The following ZDHHC11B variants were observed in gnomAD, a reference collection of about 807,000 sequenced individuals.
The protein encoded by ZDHHC11B is zDHHC palmitoyltransferase 11B (putative), also known as probable palmitoyltransferase ZDHHC11B.
ZDHHC11B carries 17 observed loss-of-function variants against 42.3 expected under a neutral mutation model. That is an observed-to-expected ratio of 0.40 (90% CI 0.27 to 0.60). ZDHHC11B has a LOEUF of 0.60. Among genes scored for constraint, ZDHHC11B ranks in the 20% least tolerant of loss-of-function variants. The probability of loss-of-function intolerance (pLI) is 0.41; values close to 1 mark genes in which losing one functional copy is unlikely to be tolerated. For synonymous variants in ZDHHC11B, 123 were observed against 193.5 expected (o/e 0.64, Z 3.02); for missense variants, 262 against 463.2 (o/e 0.57, Z 3.99).
intron 1 of ZDHHC11B, among the ~76,000 whole-genome samples, chr5:777,690 G>C (rs568016459): frequency 2.6e-5 from 4 of 152,060 alleles, no homozygotes; most frequent in South Asian, 2.1e-4. Flanking sequence ...GTGCTGATTG[G>C]TGCATTGACA....
chr5:722,431 T>A (rs1689575072), intron 12 of ZDHHC11B, among the ~76,000 whole-genome samples: 1 of 151,510 alleles, frequency 6.6e-6, no homozygotes, highest in South Asian at 2.1e-4. Flanking sequence ...AAAACTCGTA[T>A]GACTCACATG....
chr5:737,112 T>C (rs1204432186), intron 10 of ZDHHC11B, among the ~76,000 whole-genome samples: 1 of 149,442 alleles, frequency 6.7e-6, no homozygotes, highest in Non-Finnish European at 1.5e-5. Context: ...TAAGCTCAAT[T>C]AGAAATGAAA....
Position 725,016 on chromosome 5 carries a change from G to A in ZDHHC11B, c.1058+5418C>T, listed in dbSNP as rs556294200. ...CTTCAGGACCCTTCCTGTAGATGGT[G>A]AGCCTGTGTCCCCAGATTCACAGGC... On this transcript the variant is annotated intron_variant, in intron 12 of 13. Transcript: ENST00000508859. Among the ~76,000 whole-genome samples the A allele has an allele frequency of 4.5e-3, 679 of 149,840 alleles. 17 individuals are homozygous for A. Among genetic ancestry groups the A allele is most frequent in the African/African-American group, 0.016 (659 of 40,394 alleles).
chr5:750,613 C>A (rs1745483942), intron 7 of ZDHHC11B, among the ~76,000 whole-genome samples: 1 of 128,844 alleles, frequency 7.8e-6, no homozygotes, highest in Non-Finnish European at 1.7e-5. Flanking sequence ...GCCCACAGTC[C>A]TCACCGCCAC....
intron 12 of ZDHHC11B, among the ~76,000 whole-genome samples, chr5:719,582 A>T (rs1210162048): frequency 6.6e-6 from 1 of 151,170 alleles, no homozygotes; most frequent in Non-Finnish European, 1.5e-5. Context: ...AGAAGAAAGG[A>T]TCAGCTAACT....
In ZDHHC11B at chr5:713,271, A is replaced by G. The variant is rs1741506405; in HGVS notation, c.*8-989T>C. Reference sequence around the variant, plus strand: ...CTTTTCAACTGTCTATTTTGTTGTTAAATCCATCCACTTTAAAAAAATCAG... The same window carrying G: ...CTTTTCAACTGTCTATTTTGTTGTTGAATCCATCCACTTTAAAAAAATCAG... On this transcript the variant is annotated intron_variant, in intron 13 of 13. Coordinates refer to ENST00000508859, the MANE Select transcript of ZDHHC11B (RefSeq NM_001351303.2). 2.6e-5 allele frequency among the ~76,000 whole-genome samples: 4 copies of G among 152,086 alleles called. No homozygotes were observed. The South Asian group carries it at 8.3e-4, about 32-fold the overall frequency.
chr5:750,311 A>AG (rs1745433725), intron 7 of ZDHHC11B, among the ~76,000 whole-genome samples: 1 of 125,692 alleles, frequency 8.0e-6, no homozygotes, highest in East Asian at 2.4e-4. Flanking sequence ...AGGACAGTTG[A>AG]GCGCGCTGCC....
intron 8 of ZDHHC11B, chr5:747,995 A>G: frequency 2.5e-6 from 1 of 404,206 alleles, no homozygotes; most frequent in Non-Finnish European, 4.3e-6. Context: ...TCTGCCTGTA[A>G]TATTTTTCAT....
chr5:777,922 G>T (rs186649021), intron 1 of ZDHHC11B, among the ~76,000 whole-genome samples: 1 of 151,844 alleles, frequency 6.6e-6, no homozygotes, highest in Non-Finnish European at 1.5e-5. Context: ...GGGGAGGGGG[G>T]GCGTGGCCTC....
chr5:775,804 G>A (rs1736425684), intron 1 of ZDHHC11B, among the ~76,000 whole-genome samples: 1 of 151,660 alleles, frequency 6.6e-6, no homozygotes, highest in African/African-American at 2.4e-5. Flanking sequence ...TGCCCTCGGG[G>A]CACTGGCATC....
At chr5:722,044 C>G (rs2126970091) in intron 12 of ZDHHC11B, among the ~76,000 whole-genome samples, 1 of 151,826 alleles carries the variant, frequency 6.6e-6, no homozygotes, top group South Asian at 2.1e-4. Flanking sequence ...AGATCTCTAC[C>G]TCACACCATA....
intron 9 of ZDHHC11B, among the ~76,000 whole-genome samples, chr5:742,973 G>A (rs1288263884): frequency 1.3e-5 from 2 of 149,762 alleles, no homozygotes; most frequent in African/African-American, 4.9e-5. Context: ...CAGCTTTTAA[G>A]TTTAGGTGTC....
intron 11 of ZDHHC11B, among the ~76,000 whole-genome samples, chr5:731,456 G>C (rs1306719204): frequency 3.3e-5 from 5 of 149,838 alleles, no homozygotes; most frequent in African/African-American, 7.4e-5. Flanking sequence ...TTAGCTGGTG[G>C]TTCCCTGGTG....
chr5:729,478 G>C (rs1392853728), intron 12 of ZDHHC11B, among the ~76,000 whole-genome samples: 1 of 151,008 alleles, frequency 6.6e-6, no homozygotes, highest in Admixed American at 6.6e-5. Flanking sequence ...TGGCAGGCAG[G>C]CTGGGGACTG....
intron 4 of ZDHHC11B, among the ~76,000 whole-genome samples, chr5:761,561 T>C (rs905699957): frequency 6.6e-6 from 1 of 151,888 alleles, no homozygotes; most frequent in Non-Finnish European, 1.5e-5. Flanking sequence ...CTCAGAACTA[T>C]GACCTGTCCT....
intron 1 of ZDHHC11B, among the ~76,000 whole-genome samples, chr5:777,896 G>C (rs963169675): frequency 1.3e-5 from 2 of 151,452 alleles, no homozygotes; most frequent in Admixed American, 6.6e-5. Flanking sequence ...CCCCAGCACC[G>C]AGGGAGCCCG....
At chr5:722,460 A>C (rs1391557924) in intron 12 of ZDHHC11B, among the ~76,000 whole-genome samples, 2 of 151,656 alleles carry the variant, frequency 1.3e-5, no homozygotes, top group Non-Finnish European at 2.9e-5. Context: ...TTCATTAATA[A>C]TGAGGGAAAT....
chr5:773,409 T>C (rs546689798), intron 1 of ZDHHC11B, among the ~76,000 whole-genome samples: 1 of 151,962 alleles, frequency 6.6e-6, no homozygotes, highest in South Asian at 2.1e-4. Flanking sequence ...GACAAACTGC[T>C]CACATGGGGT....
chr5:777,671 T>G (rs1251289399), intron 1 of ZDHHC11B, among the ~76,000 whole-genome samples: 1 of 151,930 alleles, frequency 6.6e-6, no homozygotes, highest in African/African-American at 2.4e-5. Context: ...ATTGGTCCAT[T>G]TTGACAGAGT....
Sources: allele counts gnomAD v4.1 joint callset (sites outside exome capture counted in the v4.1 genomes callset), GRCh38; gene constraint gnomAD v4.1.1; transcripts MANE v1.5; gene names NCBI Gene and HGNC (gene_info 2026-07-23, HGNC 2026-07-21).